Variants in SPAG6 observed in about 807,000 individuals in gnomAD.
The protein encoded by SPAG6 is sperm associated antigen 6, also known as sperm-associated antigen 6.
A neutral mutation model predicts 58.5 loss-of-function variants in SPAG6; 49 were observed. The ratio of observed to expected loss-of-function variants is 0.84; its 90% CI spans 0.67 to 1.06. SPAG6 has a LOEUF of 1.06. Ranked by LOEUF, SPAG6 falls within the 50% of genes least tolerant of loss-of-function variation. SPAG6 has a pLI of 0.00. For missense variants in SPAG6, 560 were observed against 611.3 expected, an observed-to-expected ratio of 0.92 and a Z score of 0.89; for synonymous variants, 233 against 225.6, an observed-to-expected ratio of 1.03 and a Z score of -0.29.
chr10:22,367,768 T>G (rs1436290928), intron 3 of SPAG6, among the ~76,000 whole-genome samples: 1 of 152,130 alleles, frequency 6.6e-6, no homozygotes, highest in African/African-American at 2.4e-5. Context: ...ACTCATTCCT[T>G]AGTGAGAAAC....
chr10:22,405,721 C>T (rs1834535759), intron 9 of SPAG6, among the ~76,000 whole-genome samples: 1 of 152,108 alleles, frequency 6.6e-6, no homozygotes, highest in Non-Finnish European at 1.5e-5. Context: ...GGTACCAGCT[C>T]CTCCTTGTAC....
At chr10:22,408,856 C>G (rs112417722) in intron 9 of SPAG6, among the ~76,000 whole-genome samples, 1 of 152,336 alleles carries the variant, frequency 6.6e-6, no homozygotes, top group Admixed American at 6.5e-5. Context: ...TTTTTTAAGC[C>G]GATTGGAAAA....
intron 9 of SPAG6, among the ~76,000 whole-genome samples, chr10:22,402,785 T>G (rs2130620085): frequency 6.6e-6 from 1 of 152,338 alleles, no homozygotes; most frequent in South Asian, 2.1e-4. Context: ...CTTTATTTTT[T>G]GTATACTTTT....
At chr10:22,371,112 G>A (rs1833675512) in intron 4 of SPAG6, among the ~76,000 whole-genome samples, 1 of 152,174 alleles carries the variant, frequency 6.6e-6, no homozygotes, top group African/African-American at 2.4e-5. Flanking sequence ...TTTCACAGTA[G>A]TTAGGGGCCT....
chr10:22,402,775 C>G (rs1017574775), intron 9 of SPAG6, among the ~76,000 whole-genome samples: 15 of 152,222 alleles, frequency 9.9e-5, no homozygotes, highest in Admixed American at 2.0e-4. Flanking sequence ...TGATCCATTT[C>G]TTTATTTTTT....
At chr10:22,367,584 A>G (rs1837232751) in intron 3 of SPAG6, among the ~76,000 whole-genome samples, 1 of 152,198 alleles carries the variant, frequency 6.6e-6, no homozygotes, top group South Asian at 2.1e-4. Flanking sequence ...CTTAGAATGT[A>G]AAATAGGGGT....
At chr10:22,412,559 A>C in intron 10 of SPAG6, 7 of 1,037,360 alleles carry the variant, frequency 6.7e-6, no homozygotes, top group African/African-American at 1.6e-5. Flanking sequence ...TGATACATCA[A>C]AGCAGTGATA....
intron 9 of SPAG6, among the ~76,000 whole-genome samples, chr10:22,401,731 C>T (rs1422435396): frequency 6.6e-6 from 1 of 152,090 alleles, no homozygotes; most frequent in Non-Finnish European, 1.5e-5. Flanking sequence ...ATTTTGTGAA[C>T]AATTTTAACA....
At chr10:22,395,309 C>T (rs1029776045) in intron 8 of SPAG6, among the ~76,000 whole-genome samples, 1 of 152,108 alleles carries the variant, frequency 6.6e-6, no homozygotes, top group African/African-American at 2.4e-5. Flanking sequence ...TTTAACATCT[C>T]GAGAAACTGC....
chr10:22,368,188 C>G (rs971079421), intron 3 of SPAG6, among the ~76,000 whole-genome samples: 1 of 152,072 alleles, frequency 6.6e-6, no homozygotes, highest in African/African-American at 2.4e-5. Context: ...CATAAAATCT[C>G]GTTATTTTAT....
chr10:22,396,529 T>A (rs950824328), intron 8 of SPAG6, among the ~76,000 whole-genome samples: 3 of 152,172 alleles, frequency 2.0e-5, no homozygotes, highest in Admixed American at 2.0e-4. Flanking sequence ...AACTCTACTA[T>A]GTTTACTCTC....
intron 8 of SPAG6, 112 bp from the exon 9 acceptor site, chr10:22,401,049 C>T (rs1304094217): frequency 7.5e-6 from 5 of 665,838 alleles, no homozygotes; most frequent in Non-Finnish European, 1.3e-5. Context: ...ACAACTGCAG[C>T]TTAGACCAGG....
intron 10 of SPAG6, among the ~76,000 whole-genome samples, chr10:22,415,010 C>G (rs1004434053): frequency 1.3e-5 from 2 of 152,138 alleles, no homozygotes; most frequent in Admixed American, 1.3e-4. Context: ...AGGTGTTCCA[C>G]CCTCCTCAGC....
chr10:22,413,043 T>A (rs1282236609), intron 10 of SPAG6: 1 of 122,874 alleles, frequency 8.1e-6, no homozygotes, highest in African/African-American at 5.0e-5. Flanking sequence ...AATGCAATTT[T>A]GTTACAAAGT....
intron 10 of SPAG6, among the ~76,000 whole-genome samples, chr10:22,414,912 A>G (rs1381288508): frequency 6.6e-6 from 1 of 152,120 alleles, no homozygotes; most frequent in Non-Finnish European, 1.5e-5. Context: ...GATTACAGGC[A>G]TGCGCCACCA....
At chr10:22,405,605 G>T (rs1328035947) in intron 9 of SPAG6, among the ~76,000 whole-genome samples, 5 of 145,980 alleles carry the variant, frequency 3.4e-5, no homozygotes, top group African/African-American at 1.0e-4. Context: ...TCTCTTTTTT[G>T]GTTGTGTCTC....
chr10:22,381,268 G>A (rs542477149), intron 4 of SPAG6, among the ~76,000 whole-genome samples: 104 of 151,806 alleles, frequency 6.9e-4, no homozygotes, highest in African/African-American at 9.4e-4. Context: ...GGTTCAGGCC[G>A]TAGCAGGCCC....
intron 2 of SPAG6, among the ~76,000 whole-genome samples, chr10:22,359,823 A>T (rs996494873): frequency 6.6e-6 from 1 of 152,152 alleles, no homozygotes; most frequent in African/African-American, 2.4e-5. Context: ...TTTTCATTTA[A>T]CTTTTATTTT....
chr10:22,414,478 G>A (rs1476199605), intron 10 of SPAG6, among the ~76,000 whole-genome samples: 1 of 152,028 alleles, frequency 6.6e-6, no homozygotes, highest in Admixed American at 6.6e-5. Flanking sequence ...TTACCTTGAA[G>A]GTAATAGTTA....
Sources: allele counts gnomAD v4.1 joint callset (sites outside exome capture counted in the v4.1 genomes callset), GRCh38; gene constraint gnomAD v4.1.1; transcripts MANE v1.5; gene names NCBI Gene and HGNC (gene_info 2026-07-23, HGNC 2026-07-21).